KNDC1: variants seen among roughly 807,000 people sequenced by gnomAD.
KNDC1 encodes the protein kinase non-catalytic C-lobe domain containing 1.
In KNDC1, 106 loss-of-function variants were observed where a neutral mutation model predicts 172.8. That is an observed-to-expected ratio of 0.61 (90% CI 0.52 to 0.72). The LOEUF is 0.72. KNDC1 is among the 30% of genes least tolerant of loss of function. The pLI, the probability that KNDC1 is intolerant of heterozygous loss-of-function variation, is 0.00. For synonymous variants in KNDC1, 1,083 were observed against 1,062.2 expected (o/e 1.02, Z -0.38); for missense variants, 2,325 against 2,394.5 (o/e 0.97, Z 0.61).
Position 133,201,636 on chromosome 10 carries a change from C to A in KNDC1, c.3125C>A (p.Ala1042Asp). 6.2e-7 allele frequency: 1 copy of A among 1,613,056 alleles called. No individual in the cohort carries two copies. Among genetic ancestry groups the A allele is most frequent in the Non-Finnish European group, 8.5e-7 (1 of 1,179,946 alleles). The change falls in exon 17 of 30, where the codon GCC becomes GAC. Residue 1042 changes from alanine (A) to aspartate (D), a missense_variant. Physicochemically the swap from Ala to Asp is moderately radical, Grantham distance 126 (BLOSUM62 -2). Coordinates refer to ENST00000304613, the MANE Select transcript of KNDC1 (RefSeq NM_152643.8). ...TTTCGGCCTCAGAGGTCCGTAAAAG[C>A]CGAGAGAGCGCAGCAGCCTGAGGCT... ...VGFRPQRSVK[A>D]ERAQQPEAGE...
At chr10:133,183,518 A>T (rs986990934) in intron 4 of KNDC1, 28 bp downstream of exon 4, 5 of 1,579,910 alleles carry the variant, frequency 3.2e-6, no homozygotes, top group Non-Finnish European at 4.3e-6. Context: ...GGGCCACCCC[A>T]GGCTGTGACC....
At chr10:133,186,873 C>T (rs548044577) in intron 6 of KNDC1, among the ~76,000 whole-genome samples, 199 bp downstream of exon 6, 2 of 152,214 alleles carry the variant, frequency 1.3e-5, no homozygotes, top group African/African-American at 2.4e-5. Context: ...GTCACCCAGG[C>T]GTGGCCTCTC....
At position 133,212,839 on chromosome 10, in the gene KNDC1, G is replaced by C; in HGVS notation, c.4360G>C (p.Ala1454Pro). 1 of 1,613,974 alleles carries C rather than the reference G, an allele frequency of 6.2e-7. No homozygotes were observed. Among genetic ancestry groups the C allele is most frequent in the Non-Finnish European group, 8.5e-7 (1 of 1,179,954 alleles). Residue 1454 changes from alanine to proline, a missense_variant, in exon 24 of 30, where the codon GCC becomes CCC. Coordinates refer to ENST00000304613, the MANE Select transcript of KNDC1 (RefSeq NM_152643.8). ...CCTCGAGGACTTCTACGGCCCCTGC[G>C]CCAAGACCAGTGAGAAGGGGCCCTA... ...CFLEDFYGPC[A>P]KTSEKGPYFL...
chr10:133,199,422 A>C (rs1224756572), intron 14 of KNDC1, 36 bp from the exon 15 acceptor site: 1 of 1,607,160 alleles, frequency 6.2e-7, no homozygotes, highest in South Asian at 1.1e-5. Flanking sequence ...CAGCCCTGCC[A>C]CCATCTCACT....
Position 133,212,883 on chromosome 10 carries a change from C to T in KNDC1, c.4404C>T (p.Ser1468=). ...EKGPYFLTEY[S]THQLFSQLTL... ...GGCCCTACTTCCTGACGGAGTACAG[C>T]ACTCACCAGCTCTTCAGCCAGCTCA... The change falls in exon 24 of 30, where the codon AGC becomes AGT. Residue 1468 remains serine, a synonymous_variant. Coordinates refer to ENST00000304613, the MANE Select transcript of KNDC1 (RefSeq NM_152643.8). 6.2e-7 allele frequency: 1 copy of T among 1,613,716 alleles called. No homozygotes were observed. Among genetic ancestry groups the T allele is most frequent in the Non-Finnish European group, 8.5e-7 (1 of 1,179,824 alleles).
chr10:133,180,601 T>C (rs1853688016), intron 3 of KNDC1, among the ~76,000 whole-genome samples: 2 of 152,256 alleles, frequency 1.3e-5, no homozygotes, highest in African/African-American at 4.8e-5. Flanking sequence ...AACATCCTCC[T>C]GCAAAGCTGC....
At position 133,182,699 on chromosome 10, in the gene KNDC1, C is replaced by T. The variant is rs1853752742; in HGVS notation, c.361-645C>T. Reference sequence around the variant, plus strand: ...ACCCATCTTTCCTTCTACTGAAATCCAGTTTTTGAGGTTTTGAAGTTTTTG... The same window carrying T: ...ACCCATCTTTCCTTCTACTGAAATCTAGTTTTTGAGGTTTTGAAGTTTTTG... On this transcript the variant is annotated intron_variant, in intron 3 of 29. Transcript: ENST00000304613. Among the ~76,000 whole-genome samples, 3 of 152,260 alleles carry T rather than the reference C, an allele frequency of 2.0e-5. 1 individual carries two copies. The highest frequency in any genetic ancestry group is 4.4e-5 in the Non-Finnish European group (3 of 68,050).
chr10:133,219,234 T>A, intron 28 of KNDC1, 144 bp downstream of exon 28: 1 of 967,460 alleles, frequency 1.0e-6, no homozygotes, highest in Non-Finnish European at 1.5e-6. Flanking sequence ...CACGGAGGCC[T>A]TGGAGTCATC....
At chr10:133,178,137 A>G (rs1316446113) in intron 3 of KNDC1, among the ~76,000 whole-genome samples, 2 of 146,546 alleles carry the variant, frequency 1.4e-5, no homozygotes, top group African/African-American at 5.1e-5. Flanking sequence ...GCATGCATGT[A>G]GTCTATGTGT....
intron 9 of KNDC1, among the ~76,000 whole-genome samples, chr10:133,194,304 T>C (rs770123243): frequency 6.6e-5 from 10 of 152,208 alleles, no homozygotes; most frequent in Non-Finnish European, 1.5e-4. Context: ...AAATACTCTA[T>C]GTGTCAAAGA....
chr10:133,181,642 A>G (rs1208749141), intron 3 of KNDC1, among the ~76,000 whole-genome samples: 2 of 152,152 alleles, frequency 1.3e-5, no homozygotes, highest in African/African-American at 4.8e-5. Context: ...AGGCAGGGCC[A>G]GGCATGGGAC....
At chr10:133,217,902 C>G (rs1398406876) in intron 26 of KNDC1, among the ~76,000 whole-genome samples, 1 of 151,974 alleles carries the variant, frequency 6.6e-6, no homozygotes, top group Middle Eastern at 3.2e-3. Flanking sequence ...TGGGGAAACC[C>G]TGTCTCCACT....
intron 6 of KNDC1, among the ~76,000 whole-genome samples, chr10:133,187,971 T>C (rs1358105888): frequency 2.8e-5 from 4 of 143,566 alleles, no homozygotes; most frequent in African/African-American, 7.6e-5. Flanking sequence ...CCATGAGCTC[T>C]GTCCAGGGGC....
At chr10:133,213,567 C>A in intron 24 of KNDC1, 78 bp from the exon 25 acceptor site, 1 of 1,284,056 alleles carries the variant, frequency 7.8e-7, no homozygotes, top group Non-Finnish European at 1.1e-6. Flanking sequence ...AAAACACCCA[C>A]CCTCCCTGGG....
chr10:133,179,570 T>C (rs1385042502), intron 3 of KNDC1, among the ~76,000 whole-genome samples: 1 of 152,134 alleles, frequency 6.6e-6, no homozygotes, highest in South Asian at 2.1e-4. Context: ...CTTTTCAGTT[T>C]GGAGAAAAAC....
Position 133,198,724 on chromosome 10 carries a change from A to G in KNDC1, c.2216A>G (p.Gln739Arg), listed in dbSNP as rs1854270072. Residue 739 changes from glutamine (Q) to arginine (R), a missense_variant, in exon 14 of 30, where the codon CAG becomes CGG. Coordinates refer to ENST00000304613, the MANE Select transcript of KNDC1 (RefSeq NM_152643.8). ...PDGPVPGPGP[Q>R]GAAPEPLGAS... ...GGGCCGGTGCCTGGTCCGGGGCCAC[A>G]GGGAGCAGCCCCAGAGCCTCTTGGG... is the stretch of plus-strand genomic sequence containing the variant. 5 of 1,576,510 alleles carry G rather than the reference A, an allele frequency of 3.2e-6. No homozygotes were observed. The highest frequency in any genetic ancestry group is 4.3e-6 in the Non-Finnish European group (5 of 1,162,028).
Position 133,189,622 on chromosome 10 carries a change from T to G in KNDC1, c.1466T>G (p.Leu489Arg), listed in dbSNP as rs776958921. ...GCCTACCTGTGTCTGGACTCCGTGC[T>G]GGTTGCTGAGGACGGGGCTGTGCTC... is the stretch of plus-strand genomic sequence containing the variant. Reference protein sequence around the residue: ...HPAYLCLDSVLVAEDGAVLFQ... With the variant: ...HPAYLCLDSVRVAEDGAVLFQ... The change falls in exon 8 of 30, where the codon CTG becomes CGG. Residue 489 changes from leucine to arginine, a missense_variant. By Grantham distance (102) the Leu-to-Arg change is moderately radical. Coordinates refer to ENST00000304613, the MANE Select transcript of KNDC1 (RefSeq NM_152643.8). The G allele has an allele frequency of 1.6e-5, 26 of 1,613,778 alleles. No homozygotes were observed. Among genetic ancestry groups the G allele is most frequent in the Non-Finnish European group, 2.1e-5 (25 of 1,179,976 alleles).
At chr10:133,215,138 C>T (rs1054321010) in intron 26 of KNDC1, among the ~76,000 whole-genome samples, 4 of 152,222 alleles carry the variant, frequency 2.6e-5, no homozygotes, top group Admixed American at 1.3e-4. Context: ...GGCAGGTAGA[C>T]GCCCACCCCC....
At chr10:133,204,099 G>A (rs940878899) in intron 17 of KNDC1, among the ~76,000 whole-genome samples, 1 of 152,162 alleles carries the variant, frequency 6.6e-6, no homozygotes, top group Admixed American at 6.5e-5. Context: ...ACCTCCGGGG[G>A]CCGGACGAGG....
Sources: allele counts gnomAD v4.1 joint callset (sites outside exome capture counted in the v4.1 genomes callset), GRCh38; gene constraint gnomAD v4.1.1; transcripts MANE v1.5; gene names NCBI Gene and HGNC (gene_info 2026-07-23, HGNC 2026-07-21).